The following DNAH5 variants were observed in gnomAD, a reference collection of about 807,000 sequenced individuals.
The protein encoded by DNAH5 is axonemal beta dynein heavy chain 5.
DNAH5 carries 372 observed loss-of-function variants against 518.2 expected under a neutral mutation model. The ratio of observed to expected loss-of-function variants is 0.72; its 90% CI spans 0.66 to 0.78. The LOEUF (loss-of-function observed/expected upper bound fraction) is 0.78. Among genes scored for constraint, DNAH5 ranks in the 30% least tolerant of loss-of-function variants. The probability of loss-of-function intolerance (pLI) is 0.00; values close to 1 mark genes in which losing one functional copy is unlikely to be tolerated. For missense variants in DNAH5, 5,523 were observed against 5,687.0 expected (o/e 0.97, Z 0.93); for synonymous variants, 2,039 against 2,025.9 (o/e 1.01, Z -0.17).
At chr5:13,842,607 A>G (rs927775119) in intron 32 of DNAH5, among the ~76,000 whole-genome samples, 6 of 152,106 alleles carry the variant, frequency 3.9e-5, no homozygotes, top group Non-Finnish European at 8.8e-5. Context: ...TAAAATCTCT[A>G]AAGTTTCTCA....
intron 36 of DNAH5, 111 bp downstream of exon 36, chr5:13,830,486 T>C: frequency 1.5e-6 from 2 of 1,370,252 alleles, no homozygotes; most frequent in Non-Finnish European, 2.1e-6. Flanking sequence ...CCAAAAAATT[T>C]TACAAAGTTG....
intron 31 of DNAH5, among the ~76,000 whole-genome samples, chr5:13,847,980 C>T (rs965303729): frequency 1.3e-5 from 2 of 152,120 alleles, no homozygotes; most frequent in African/African-American, 4.8e-5. Flanking sequence ...TTTCAGAAAC[C>T]CTTTTCTCGT....
intron 41 of DNAH5, among the ~76,000 whole-genome samples, 156 bp downstream of exon 41, chr5:13,820,185 GTAATA>G (rs1220025072): frequency 6.6e-6 from 1 of 152,062 alleles, no homozygotes; most frequent in Non-Finnish European, 1.5e-5. Context: ...GTTCATTAAT[GTAATA>G]TGTTATCTCT....
At chr5:13,893,658 T>C (rs936340635) in intron 16 of DNAH5, among the ~76,000 whole-genome samples, 3 of 152,186 alleles carry the variant, frequency 2.0e-5, no homozygotes, top group African/African-American at 7.2e-5. Context: ...TTCAGGTCCT[T>C]TGTAGTCTGT....
In DNAH5 at chr5:13,865,695, T is replaced by C; in HGVS notation, c.4328A>G (p.Asn1443Ser). ...LWSEVNIEKI[N>S]NELLEFQNRC... ...GTTCTGGAATTCTAAGAGTTCATTG[T>C]TAATTTTTTCAATATTCACCTCTGA... The change falls in exon 27 of 79, where the codon AAC becomes AGC. Residue 1443 changes from asparagine (N) to serine (S), a missense_variant. Physicochemically the swap from Asn to Ser is conservative, Grantham distance 46. Coordinates refer to ENST00000265104, the MANE Select transcript of DNAH5 (RefSeq NM_001369.3). 6.3e-7 allele frequency: 1 copy of C among 1,592,946 alleles called. No homozygotes were observed. The highest frequency in any genetic ancestry group is 8.6e-7 in the Non-Finnish European group (1 of 1,160,752).
chr5:13,748,866 T>C (rs1749799357), intron 65 of DNAH5, among the ~76,000 whole-genome samples: 1 of 152,102 alleles, frequency 6.6e-6, no homozygotes, highest in Admixed American at 6.5e-5. Context: ...TTGAATACCC[T>C]TTATTTCTTT....
chr5:13,935,711 T>C (rs1580965860), intron 1 of DNAH5, among the ~76,000 whole-genome samples: 1 of 152,302 alleles, frequency 6.6e-6, no homozygotes, highest in Admixed American at 6.5e-5. Context: ...AACAGTGCAC[T>C]GTCAATCCGC....
intron 65 of DNAH5, among the ~76,000 whole-genome samples, chr5:13,743,620 G>GA (rs59471008): frequency 0.36 from 54,154 of 151,202 alleles, 10,024 homozygotes; most frequent in South Asian, 0.49. Flanking sequence ...CATCTCAACA[G>GA]AAAAAAAATC....
intron 1 of DNAH5, among the ~76,000 whole-genome samples, chr5:13,937,770 C>T (rs533272497): frequency 6.6e-6 from 1 of 152,232 alleles, no homozygotes; most frequent in East Asian, 1.9e-4. Context: ...TAAGGAAGTT[C>T]AGTTGCACAC....
At chr5:13,803,036 T>C (rs1323891072) in intron 47 of DNAH5, among the ~76,000 whole-genome samples, 1 of 151,886 alleles carries the variant, frequency 6.6e-6, no homozygotes, top group Non-Finnish European at 1.5e-5. Flanking sequence ...TAATGATATA[T>C]AATATATATG....
At chr5:13,765,719 C>T (rs1253506266) in intron 59 of DNAH5, among the ~76,000 whole-genome samples, 2 of 152,018 alleles carry the variant, frequency 1.3e-5, no homozygotes, top group Non-Finnish European at 2.9e-5. Flanking sequence ...AATATAAATA[C>T]ATACTTATTG....
At chr5:13,788,478 C>T (rs982908014) in intron 51 of DNAH5, among the ~76,000 whole-genome samples, 11 of 152,146 alleles carry the variant, frequency 7.2e-5, no homozygotes, top group African/African-American at 2.4e-4. Flanking sequence ...CGAATCCTGC[C>T]CCCCAACTCT....
In DNAH5 at chr5:13,713,466, TACAC is replaced by T. The variant is rs796551501; in HGVS notation, c.13125+935_13125+938del. Among the ~76,000 whole-genome samples, 68 of 98,278 alleles carry T rather than the reference TACAC, an allele frequency of 6.9e-4. 1 individual carries two copies. Among genetic ancestry groups the T allele is most frequent in the African/African-American group, 3.1e-3 (65 of 20,926 alleles). The allele number at this position is 98,278 out of a possible 152,430, so 64.5% of individuals were successfully genotyped here. A position where few individuals can be genotyped will look rare whatever the true frequency, so the allele number is the denominator to read the frequency against. Reference sequence around the variant, plus strand: ...ATATATATATATATATATATATATATACACACACCGATATATATATATATATGAT... The same window carrying T: ...ATATATATATATATATATATATATATACACCGATATATATATATATATGAT... On this transcript the variant is annotated intron_variant, in intron 75 of 78. Coordinates refer to ENST00000265104, the MANE Select transcript of DNAH5 (RefSeq NM_001369.3).
chr5:13,787,339 G>C (rs1050942061), intron 51 of DNAH5, among the ~76,000 whole-genome samples: 46 of 152,060 alleles, frequency 3.0e-4, no homozygotes, highest in Non-Finnish European at 2.9e-5. Context: ...AATTTCACTG[G>C]GTACGAGAAG....
chr5:13,990,468 G>A (rs1446907963), intron 1 of DNAH5, among the ~76,000 whole-genome samples: 3 of 151,932 alleles, frequency 2.0e-5, no homozygotes, highest in African/African-American at 4.8e-5. Context: ...CGGAAGAATG[G>A]CGTGAACCCG....
At chr5:13,854,065 TA>T (rs1767261474) in intron 30 of DNAH5, among the ~76,000 whole-genome samples, 1 of 151,940 alleles carries the variant, frequency 6.6e-6, no homozygotes, top group African/African-American at 2.4e-5. Context: ...CCAAAACACA[TA>T]ATCATCAGAT....
At position 13,776,694 on chromosome 5, in the gene DNAH5, ATAGGT is replaced by A. The variant is rs1466693703; in HGVS notation, c.9113_9117del (p.Asn3038IlefsTer5). The A allele has an allele frequency of 6.2e-7, 1 of 1,613,580 alleles. No homozygotes were observed. The highest frequency in any genetic ancestry group is 1.3e-5 in the African/African-American group (1 of 74,900). On this transcript the variant is annotated frameshift_variant, in exon 55 of 79. Transcript: ENST00000265104. LOFTEE classifies it high-confidence loss of function. ...ATTTCATCAATTTCATCTCGAGCAA[ATAGGT>A]TAGAGACCTTAAAAAGAAGTACAGG...
intron 3 of DNAH5, among the ~76,000 whole-genome samples, chr5:13,925,884 G>T (rs984571995): frequency 6.6e-6 from 1 of 152,190 alleles, no homozygotes; most frequent in Admixed American, 6.5e-5. Flanking sequence ...AGGACAGGGG[G>T]GTTTGCTGGG....
At chr5:13,846,416 A>G (rs1766011366) in intron 31 of DNAH5, among the ~76,000 whole-genome samples, 1 of 152,148 alleles carries the variant, frequency 6.6e-6, no homozygotes, top group African/African-American at 2.4e-5. Flanking sequence ...AGGAAAAATC[A>G]AGTCTTTACT....
Sources: gnomAD v4.1 joint callset for allele counts (sites outside exome capture counted in the v4.1 genomes callset) on GRCh38, gnomAD v4.1.1 for gene constraint, MANE v1.5 for transcripts, NCBI Gene and HGNC (gene_info 2026-07-23, HGNC 2026-07-21) for gene names.